HNRNPUL1: variants seen among roughly 807,000 people sequenced by gnomAD.
HNRNPUL1 encodes the protein heterogeneous nuclear ribonucleoprotein U like 1.
A neutral mutation model predicts 108.5 loss-of-function variants in HNRNPUL1; 14 were observed. The observed-to-expected ratio is 0.13, with a 90% CI of 0.09 to 0.20. The LOEUF (loss-of-function observed/expected upper bound fraction) is 0.20. Ranked by LOEUF, HNRNPUL1 falls within the 10% of genes least tolerant of loss-of-function variation. The pLI, the probability that HNRNPUL1 is intolerant of heterozygous loss-of-function variation, is 1.00. For synonymous variants in HNRNPUL1, 422 were observed against 445.2 expected, an observed-to-expected ratio of 0.95 and a Z score of 0.66; for missense variants, 804 against 1,168.3, an observed-to-expected ratio of 0.69 and a Z score of 4.55.
chr19:41,302,198 CTT>C (rs71994070), intron 11 of HNRNPUL1, among the ~76,000 whole-genome samples: 19,291 of 145,058 alleles, frequency 0.13, 1,526 homozygotes, highest in East Asian at 0.27. Context: ...TTGTCTACCT[CTT>C]TCTCTCTCTC....
chr19:41,306,322 G>A (rs755053968), intron 14 of HNRNPUL1, 127 bp from the exon 15 acceptor site: 1 of 627,496 alleles, frequency 1.6e-6, no homozygotes, highest in Non-Finnish European at 2.8e-6. Flanking sequence ...TGATTTCTCT[G>A]TCAGGGGACC....
chr19:41,293,784 G>C (rs1284881369), intron 8 of HNRNPUL1, among the ~76,000 whole-genome samples: 1 of 152,138 alleles, frequency 6.6e-6, no homozygotes, highest in African/African-American at 2.4e-5. Context: ...AGGATCCCTT[G>C]AGTATAGGAG....
intron 7 of HNRNPUL1, among the ~76,000 whole-genome samples, chr19:41,287,923 C>T (rs372413398): frequency 3.3e-5 from 5 of 152,214 alleles, no homozygotes; most frequent in African/African-American, 7.2e-5. Flanking sequence ...ACAAATTGTT[C>T]GGTTTTAAAC....
chr19:41,281,170 G>C lies in HNRNPUL1; in HGVS notation c.894G>C (p.Glu298Asp), dbSNP rs916899152. Residue 298 changes from glutamate to aspartate, a missense_variant, in exon 7 of 15, where the codon GAG becomes GAC. Physicochemically the swap from Glu to Asp is conservative, Grantham distance 45 (BLOSUM62 2). Transcript: ENST00000392006. Reference sequence around the variant, plus strand: ...GCCTATTTCTTCCGTCAGGCGAAGAGCCTTTCTCCTATGGCTATGGAGGCA... The same window carrying C: ...GCCTATTTCTTCCGTCAGGCGAAGACCCTTTCTCCTATGGCTATGGAGGCA... ...LDSCSTQLGE[E>D]PFSYGYGGTG... 21 of 1,613,012 alleles carry C rather than the reference G, an allele frequency of 1.3e-5. No homozygotes were observed. The highest frequency in any genetic ancestry group is 1.8e-5 in the Non-Finnish European group (21 of 1,179,096).
chr19:41,266,499 C>T (rs1213226920), intron 1 of HNRNPUL1, among the ~76,000 whole-genome samples: 1 of 152,112 alleles, frequency 6.6e-6, no homozygotes, highest in South Asian at 2.1e-4. Flanking sequence ...CGCTATGTTG[C>T]CCAGGGTGGT....
rs999366927 is a variant in HNRNPUL1 at position 41,306,733 on chromosome 19, C to A, written c.*168C>A. 33 of 412,170 alleles carry A rather than the reference C, an allele frequency of 8.0e-5. No homozygotes were observed. Among genetic ancestry groups the A allele is most frequent in the South Asian group, 1.6e-4 (2 of 12,320 alleles). 25.5% of individuals were successfully genotyped at this position (412,170 alleles called of 1,614,324 possible). On this transcript the variant is annotated 3_prime_UTR_variant, in exon 15 of 15. Transcript: ENST00000392006. ...CCCTCTGAGGGGCTTCCTTCCCCTC[C>A]ATAGGGCCAGGCATTTTTTTCTGGA...
At chr19:41,265,109 G>T in intron 1 of HNRNPUL1, 1 of 1,416,058 alleles carries the variant, frequency 7.1e-7, no homozygotes, top group Non-Finnish European at 9.2e-7. Context: ...GAAGAGAGTC[G>T]GAAGAACAAG....
Position 41,264,664 on chromosome 19 carries a change from C to T in HNRNPUL1, c.161C>T (p.Pro54Leu), listed in dbSNP as rs751766236. The T allele has an allele frequency of 2.5e-6, 4 of 1,581,724 alleles. No homozygotes were observed. In the African/African-American group the frequency reaches 4.1e-5, roughly 16 times the overall value. ...DERELDADDEPGRPGHINEEV... is the reference protein window; with the variant it reads ...DERELDADDELGRPGHINEEV... ...CGGGAGCTCGACGCCGACGACGAAC[C>T]GGGGCGACCCGGGCACATCAACGAG... The change falls in exon 1 of 15, where the codon CCG becomes CTG. Residue 54 changes from proline to leucine, a missense_variant. By Grantham distance (98) the Pro-to-Leu change is moderately conservative (BLOSUM62 -3). This residue lies in a region of HNRNPUL1 where 256 missense variants were observed against 261.6 expected (regional missense o/e 0.98). Transcript: ENST00000392006.
chr19:41,301,141 G>A (rs576630806), intron 10 of HNRNPUL1, among the ~76,000 whole-genome samples: 1 of 152,168 alleles, frequency 6.6e-6, no homozygotes, highest in Non-Finnish European at 1.5e-5. Flanking sequence ...TTCTCTCTGG[G>A]AAGTAGGGCT....
chr19:41,305,759 T>G lies in HNRNPUL1; in HGVS notation c.2346T>G (p.Pro782=). ...CACCGCCTCCACCTCCACCACCACC[T>G]GCCTACAACTATGGGAGCTACGGCG... The part of the protein sequence containing the change: ...TAPPPPPPPP[P]AYNYGSYGGY... The change falls in exon 14 of 15, where the codon CCT becomes CCG. Residue 782 remains proline, a synonymous_variant. Transcript: ENST00000392006. 1 of 1,613,804 alleles carries G rather than the reference T, an allele frequency of 6.2e-7. No individual in the cohort carries two copies. The highest frequency in any genetic ancestry group is 8.5e-7 in the Non-Finnish European group (1 of 1,179,814).
At position 41,264,391 on chromosome 19, in the gene HNRNPUL1, A is replaced by C; in HGVS notation, c.-113A>C. ...GCGGCCATTTTGAGCCGCTGCCGCC[A>C]TTGGAGTGGGCCCCCCCCCTTTCCC... On this transcript the variant is annotated 5_prime_UTR_variant, in exon 1 of 15. Coordinates refer to ENST00000392006, the MANE Select transcript of HNRNPUL1 (RefSeq NM_007040.6). 2.2e-6 allele frequency: 2 copies of C among 919,834 alleles called. No homozygotes were observed. The highest frequency in any genetic ancestry group is 2.9e-6 in the Non-Finnish European group (2 of 691,346). The allele number at this position is 919,834 out of a possible 1,614,324, so 57.0% of individuals were successfully genotyped here.
intron 8 of HNRNPUL1, among the ~76,000 whole-genome samples, chr19:41,293,365 C>A (rs2036700407): frequency 6.6e-6 from 1 of 152,168 alleles, no homozygotes; most frequent in Non-Finnish European, 1.5e-5. Flanking sequence ...TGATACCCTG[C>A]TCTTTTCACT....
intron 2 of HNRNPUL1, among the ~76,000 whole-genome samples, chr19:41,269,815 C>T (rs577193232): frequency 2.0e-5 from 3 of 152,132 alleles, no homozygotes; most frequent in Admixed American, 2.0e-4. Context: ...TAAAAACAGG[C>T]CGAGTGCGAT....
chr19:41,291,892 G>C, intron 7 of HNRNPUL1: 1 of 232,708 alleles, frequency 4.3e-6, no homozygotes, highest in Admixed American at 5.2e-5. Flanking sequence ...GAGGTGGGAG[G>C]ATTGCTTGAA....
chr19:41,268,402 TA>T (rs2034992062), intron 2 of HNRNPUL1, 57 bp downstream of exon 2: 1 of 1,575,766 alleles, frequency 6.3e-7, no homozygotes, highest in Non-Finnish European at 8.6e-7. Flanking sequence ...ATGGAGCCTT[TA>T]CCCCCTGCTT....
intron 5 of HNRNPUL1, chr19:41,278,244 AGAGACGGG>A (rs550152882): frequency 2.0e-4 from 30 of 152,072 alleles, no homozygotes; most frequent in African/African-American, 7.2e-4. Context: ...TATTTTTAGT[AGAGACGGG>A]GTTTCATGAT....
rs2036617718 is a variant in HNRNPUL1 at position 41,292,131 on chromosome 19, C to T, written c.1000-114C>T. ...TACCTGTATGTTGGGGAAGGATGCACTTCAATCTGGAAAGCTGTCCACATT... is the reference window on the plus strand; with the variant it reads ...TACCTGTATGTTGGGGAAGGATGCATTTCAATCTGGAAAGCTGTCCACATT... On this transcript the variant is annotated intron_variant, in intron 7 of 14. Coordinates refer to ENST00000392006, the MANE Select transcript of HNRNPUL1 (RefSeq NM_007040.6). This position sits in a 1 kb window ranked among gnomAD's most constrained non-coding sequence, Gnocchi z 4.1. 9.0e-7 allele frequency: 1 copy of T among 1,106,030 alleles called. No homozygotes were observed. The highest frequency in any genetic ancestry group is 1.3e-6 in the Non-Finnish European group (1 of 742,996). The allele number at this position is 1,106,030 out of a possible 1,614,324, so 68.5% of individuals were successfully genotyped here.
intron 2 of HNRNPUL1, among the ~76,000 whole-genome samples, chr19:41,270,413 T>C (rs934969663): frequency 6.6e-6 from 1 of 152,156 alleles, no homozygotes; most frequent in Non-Finnish European, 1.5e-5. Flanking sequence ...AAAAAATTTT[T>C]TTTTTAATTA....
intron 7 of HNRNPUL1, chr19:41,291,914 G>A (rs1452547629): frequency 4.0e-6 from 1 of 252,476 alleles, no homozygotes; most frequent in East Asian, 9.4e-5. Context: ...CTGGAAGTTT[G>A]AGGTTGCGGT....
Sources: allele counts gnomAD v4.1 joint callset (sites outside exome capture counted in the v4.1 genomes callset), GRCh38; gene constraint gnomAD v4.1.1; regional missense constraint gnomAD v4.1.1; non-coding constraint Gnocchi (gnomAD v3.1); transcripts MANE v1.5; gene names NCBI Gene and HGNC (gene_info 2026-07-23, HGNC 2026-07-21).